The following SPON1 variants were observed in gnomAD, a reference collection of about 807,000 sequenced individuals.
SPON1 encodes spondin-1.
A neutral mutation model predicts 111.7 loss-of-function variants in SPON1; 52 were observed. That is an observed-to-expected ratio of 0.47 (90% confidence interval 0.37 to 0.59). SPON1 has a LOEUF of 0.59. SPON1 is among the 20% of genes least tolerant of loss of function. SPON1 has a pLI of 0.00. For missense variants in SPON1, 957 were observed against 1,068.5 expected (o/e 0.90, Z 1.46); for synonymous variants, 410 against 395.8 (o/e 1.04, Z -0.43).
intron 6 of SPON1, among the ~76,000 whole-genome samples, chr11:14,159,632 C>T (rs917422154): frequency 2.6e-5 from 4 of 151,970 alleles, no homozygotes; most frequent in African/African-American, 9.7e-5. Flanking sequence ...TGGAAATGAC[C>T]AAAGTGTCCA....
At chr11:14,174,331 T>C (rs1443187313) in intron 6 of SPON1, among the ~76,000 whole-genome samples, 1 of 152,242 alleles carries the variant, frequency 6.6e-6, no homozygotes, top group Non-Finnish European at 1.5e-5. Context: ...CCTGCTTCTC[T>C]GATCCAAGTG....
chr11:14,238,792 A>G (rs1441897756), intron 6 of SPON1, among the ~76,000 whole-genome samples: 1 of 152,224 alleles, frequency 6.6e-6, no homozygotes, highest in Non-Finnish European at 1.5e-5. Context: ...AAAATGGAAG[A>G]TGAATATGAG....
chr11:14,025,892 G>T (rs1848514338), intron 2 of SPON1, among the ~76,000 whole-genome samples: 1 of 152,180 alleles, frequency 6.6e-6, no homozygotes, highest in South Asian at 2.1e-4. Context: ...CTATGCCATT[G>T]TTCCTTTGCC....
chr11:14,246,697 G>T (rs1228179894), intron 7 of SPON1, among the ~76,000 whole-genome samples: 1 of 152,150 alleles, frequency 6.6e-6, no homozygotes, highest in Non-Finnish European at 1.5e-5. Flanking sequence ...AAAGTCCTGT[G>T]AAAGGTGCTT....
chr11:14,156,634 C>G (rs1847849589), intron 6 of SPON1, among the ~76,000 whole-genome samples: 1 of 152,154 alleles, frequency 6.6e-6, no homozygotes, highest in Admixed American at 6.6e-5. Flanking sequence ...TTAGGTCTAA[C>G]ATGTAAGTCT....
At chr11:13,968,223 A>T (rs1848034132) in intron 1 of SPON1, among the ~76,000 whole-genome samples, 1 of 152,214 alleles carries the variant, frequency 6.6e-6, no homozygotes. Flanking sequence ...GGCTAAGCTC[A>T]TGTTACTAAC....
chr11:14,053,707 G>A (rs759772467), intron 3 of SPON1, among the ~76,000 whole-genome samples: 6 of 152,140 alleles, frequency 3.9e-5, no homozygotes, highest in East Asian at 3.8e-4. Flanking sequence ...CCATCCATAG[G>A]AAGGACAGTA....
In SPON1 at chr11:14,135,588, G is replaced by T; in HGVS notation, c.825+20G>T. ...CAACAGGTAAGACAAAAAAATCACAGAATGACCAAATAACAGAAATGCAGT... is the reference window on the plus strand; with the variant it reads ...CAACAGGTAAGACAAAAAAATCACATAATGACCAAATAACAGAAATGCAGT... On this transcript the variant is annotated intron_variant, in intron 6 of 15. Transcript: ENST00000576479. The surrounding 1 kb of genome is among the most constrained non-coding windows in gnomAD (Gnocchi z 4.4). 2 of 1,609,480 alleles carry T rather than the reference G, an allele frequency of 1.2e-6. No individual in the cohort carries two copies. The highest frequency in any genetic ancestry group is 2.2e-5 in the South Asian group (2 of 90,776).
At chr11:14,122,745 T>C (rs1464049711) in intron 5 of SPON1, among the ~76,000 whole-genome samples, 2 of 152,204 alleles carry the variant, frequency 1.3e-5, no homozygotes, top group Non-Finnish European at 2.9e-5. Flanking sequence ...TTTTTATTTA[T>C]CTACCAAAAT....
chr11:14,161,859 G>T (rs772886146), intron 6 of SPON1, among the ~76,000 whole-genome samples: 5 of 151,914 alleles, frequency 3.3e-5, no homozygotes, highest in Non-Finnish European at 7.4e-5. Flanking sequence ...TTAAAATAAT[G>T]AAGGTTTTCC....
At chr11:14,220,441 T>A (rs1463919370) in intron 6 of SPON1, among the ~76,000 whole-genome samples, 1 of 152,192 alleles carries the variant, frequency 6.6e-6, no homozygotes, top group African/African-American at 2.4e-5. Context: ...TTTAAAAAAA[T>A]TCTTACTAAG....
chr11:14,103,066 T>C (rs560583900), intron 5 of SPON1, among the ~76,000 whole-genome samples: 2 of 152,206 alleles, frequency 1.3e-5, no homozygotes, highest in South Asian at 4.1e-4. Context: ...TAGTGTATGA[T>C]GGGGAAAGGC....
chr11:14,062,629 G>A (rs1848799877), intron 3 of SPON1, among the ~76,000 whole-genome samples: 1 of 152,204 alleles, frequency 6.6e-6, no homozygotes. Context: ...ACATATTGAT[G>A]CCTTTGGATG....
At chr11:14,238,806 C>A (rs1378927660) in intron 6 of SPON1, among the ~76,000 whole-genome samples, 1 of 152,120 alleles carries the variant, frequency 6.6e-6, no homozygotes, top group Non-Finnish European at 1.5e-5. Flanking sequence ...ATATGAGTGA[C>A]CTGTAGTATC....
At chr11:14,063,528 A>T (rs547190188) in intron 3 of SPON1, among the ~76,000 whole-genome samples, 8 of 152,126 alleles carry the variant, frequency 5.3e-5, no homozygotes, top group Admixed American at 3.3e-4. Flanking sequence ...CGGATTTTGT[A>T]GCTTACATAT....
Position 14,160,597 on chromosome 11 carries a change from TTATATATATTTATATATATTTA to T in SPON1, c.825+25052_825+25073del, listed in dbSNP as rs1458847072. On this transcript the variant is annotated intron_variant, in intron 6 of 15. Coordinates refer to ENST00000576479, the MANE Select transcript of SPON1 (RefSeq NM_006108.4). Reference sequence around the variant, plus strand: ...TATATATATATTTACATATATATATTTATATATATTTATATATATTTATATATATATTTATATATATTTACAT... The same window carrying T: ...TATATATATATTTACATATATATATTTATATATATTTATATATATTTACAT... 3.3e-4 allele frequency among the ~76,000 whole-genome samples: 8 copies of T among 24,026 alleles called. 1 individual carries two copies. In the East Asian group the frequency reaches 0.021, roughly 63 times the overall value. 15.8% of individuals were successfully genotyped at this position (24,026 alleles called of 152,430 possible). A position where few individuals can be genotyped will look rare whatever the true frequency, so the allele number is the denominator to read the frequency against.
chr11:13,977,031 A>G (rs911715114), intron 1 of SPON1, among the ~76,000 whole-genome samples: 2 of 152,208 alleles, frequency 1.3e-5, no homozygotes, highest in African/African-American at 4.8e-5. Context: ...ATGTGGCAGT[A>G]TGTGTTCATT....
chr11:14,104,666 G>A (rs1342152937), intron 5 of SPON1, among the ~76,000 whole-genome samples: 2 of 151,834 alleles, frequency 1.3e-5, no homozygotes, highest in African/African-American at 4.8e-5. Flanking sequence ...TCTTTCTATT[G>A]TTTTTGTTTA....
chr11:14,240,872 G>T (rs375404036), intron 6 of SPON1, among the ~76,000 whole-genome samples: 96 of 152,134 alleles, frequency 6.3e-4, no homozygotes, highest in African/African-American at 2.2e-3. Context: ...TCTTGACCTG[G>T]CTTGCCATAA....
Sources: gnomAD v4.1 joint callset for allele counts (sites outside exome capture counted in the v4.1 genomes callset) on GRCh38, gnomAD v4.1.1 for gene constraint, Gnocchi (gnomAD v3.1) non-coding constraint, MANE v1.5 for transcripts, NCBI Gene and HGNC (gene_info 2026-07-23, HGNC 2026-07-21) for gene names.